ZNF335: variants seen among roughly 807,000 people sequenced by gnomAD.
The protein encoded by ZNF335 is NRC-interacting factor 1.
ZNF335 carries 84 observed loss-of-function variants against 145.6 expected under a neutral mutation model. The observed-to-expected ratio is 0.58, with a 90% CI of 0.48 to 0.69. ZNF335 has a LOEUF of 0.69. ZNF335 is among the 30% of genes least tolerant of loss of function. ZNF335 has a pLI of 0.00. For missense variants in ZNF335, 1,865 were observed against 1,809.7 expected (o/e 1.03, Z -0.55); for synonymous variants, 761 against 717.0 (o/e 1.06, Z -0.98).
rs1415246365 is a variant in ZNF335, at chr20:45,967,611, C to G, written c.838G>C (p.Gly280Arg). 2 of 1,613,962 alleles carry G rather than the reference C, an allele frequency of 1.2e-6. No homozygotes were observed. Among genetic ancestry groups the G allele is most frequent in the African/African-American group, 2.7e-5 (2 of 74,888 alleles). The change falls in exon 6 of 28, where the codon GGT (glycine) becomes CGT (arginine). Residue 280 changes from glycine to arginine, a missense_variant. Coordinates refer to ENST00000322927, the MANE Select transcript of ZNF335 (RefSeq NM_022095.4). ...CACTTCCGTAGACGTCCTTTTTTACCAGCTGCTGCTGCGGCTGCTGCTACT... is the reference window on the plus strand; with the variant it reads ...CACTTCCGTAGACGTCCTTTTTTACGAGCTGCTGCTGCGGCTGCTGCTACT... ...RPVAAAAAAA[G>R]KKGRLRKWST...
In ZNF335 at chr20:45,962,171, G is replaced by A; in HGVS notation, c.1545C>T (p.Phe515=). Residue 515 remains phenylalanine (F), a synonymous_variant, in exon 10 of 28, where the codon TTC becomes TTT. Transcript: ENST00000322927. ...RRWSSLKEHM[F]NHVGSKPYKC... ...TGTAGGGCTTGCTGCCCACGTGGTTGAACATGTGCTCCTGGGAGACAGACA... is the reference window on the plus strand; with the variant it reads ...TGTAGGGCTTGCTGCCCACGTGGTTAAACATGTGCTCCTGGGAGACAGACA... 6.2e-7 allele frequency: 1 copy of A among 1,614,068 alleles called. No individual in the cohort carries two copies. Among genetic ancestry groups the A allele is most frequent in the Non-Finnish European group, 8.5e-7 (1 of 1,179,962 alleles).
chr20:45,959,506 C>T (rs548820407), intron 14 of ZNF335, 73 bp from the exon 15 acceptor site: 216 of 1,152,852 alleles, frequency 1.9e-4, no homozygotes, highest in Non-Finnish European at 2.3e-4. Flanking sequence ...CCTTTCTTGA[C>T]CCTAAGGATC....
intron 15 of ZNF335, among the ~76,000 whole-genome samples, chr20:45,958,183 G>C (rs959153566): frequency 6.6e-6 from 1 of 152,034 alleles, no homozygotes; most frequent in East Asian, 1.9e-4. Flanking sequence ...GAATAGCTGG[G>C]ATTACAAGTG....
rs754667788 is a variant in ZNF335 at position 45,953,800 on chromosome 20, G to A, written c.2591C>T (p.Pro864Leu). 3 of 1,614,166 alleles carry A rather than the reference G, an allele frequency of 1.9e-6. No homozygotes were observed. The highest frequency in any genetic ancestry group is 4.5e-5 in the East Asian group (2 of 44,888). ...GAAAESQLGP[P>L]DLPQITLAPG... ...TGCCAGGGTGATCTGCGGTAGGTCAGGAGGGCCTAGCTGGCTCTCGGCTGC... is the reference window on the plus strand; with the variant it reads ...TGCCAGGGTGATCTGCGGTAGGTCAAGAGGGCCTAGCTGGCTCTCGGCTGC... The change falls in exon 18 of 28, where the codon CCT becomes CTT. Residue 864 changes from proline (P) to leucine (L), a missense_variant. By Grantham distance (98) the Pro-to-Leu change is moderately conservative. Transcript: ENST00000322927.
rs2083752462 is a variant in ZNF335 at position 45,957,605 on chromosome 20, A to G, written c.2423T>C (p.Leu808Pro). Residue 808 changes from leucine to proline, a missense_variant, in exon 17 of 28, where the codon CTG (leucine) becomes CCG (proline). Coordinates refer to ENST00000322927, the MANE Select transcript of ZNF335 (RefSeq NM_022095.4). The stretch of plus-strand genomic sequence containing the variant: ...GCTCACCTGCAGGGCTGTGCCCCCC[A>G]GTTCCCGCTGAGCACTCATGTTCAG... ...LLLNMSAQRELGGTALQVAVV... is the reference protein window; with the variant it reads ...LLLNMSAQREPGGTALQVAVV... The G allele has an allele frequency of 6.2e-7, 1 of 1,614,020 alleles. No homozygotes were observed. Among genetic ancestry groups the G allele is most frequent in the Non-Finnish European group, 8.5e-7 (1 of 1,180,014 alleles).
At chr20:45,951,684 G>A (rs956117713) in intron 20 of ZNF335, among the ~76,000 whole-genome samples, 2 of 152,226 alleles carry the variant, frequency 1.3e-5, no homozygotes, top group Non-Finnish European at 2.9e-5. Flanking sequence ...AGTAGTGCTT[G>A]CCCACCTGCC....
chr20:45,970,926 G>A (rs2067128720), intron 2 of ZNF335, among the ~76,000 whole-genome samples: 1 of 152,086 alleles, frequency 6.6e-6, no homozygotes, highest in South Asian at 2.1e-4. Context: ...AGGACTGTGG[G>A]TAGTATAGTA....
chr20:45,948,985 C>A lies in ZNF335; in HGVS notation c.3997G>T (p.Glu1333Ter). The A allele has an allele frequency of 6.2e-7, 1 of 1,613,940 alleles. No individual in the cohort carries two copies. ...HIQQLQHQGI[E>*]YDVITLADD ...TCGGCCAGGGTGATGACGTCGTACT[C>A]GATGCCCTGGTGCTGCAGCTGTTGA... is the stretch of plus-strand genomic sequence containing the variant. Residue 1333 changes from glutamate to a stop codon, truncating the protein, a stop_gained, in exon 28 of 28, where the codon GAG becomes TAG. Transcript: ENST00000322927. LOFTEE classifies it high-confidence loss of function.
intron 1 of ZNF335, chr20:45,971,895 G>A (rs1047011478): frequency 2.0e-6 from 2 of 985,282 alleles, no homozygotes; most frequent in African/African-American, 3.5e-5. Context: ...GGGGCCTGGC[G>A]ATTTGGGGCT....
At chr20:45,957,990 C>T in intron 15 of ZNF335, 62 bp from the exon 16 acceptor site, 1 of 1,338,570 alleles carries the variant, frequency 7.5e-7, no homozygotes, top group Non-Finnish European at 1.1e-6. Flanking sequence ...TGCCATTTGC[C>T]AAGCACCTCT....
rs1465084043 is a variant in ZNF335 at position 45,949,374 on chromosome 20, T to A, written c.3778A>T (p.Ile1260Phe). 6.2e-7 allele frequency: 1 copy of A among 1,613,984 alleles called. No homozygotes were observed. Among genetic ancestry groups the A allele is most frequent in the African/African-American group, 1.3e-5 (1 of 74,896 alleles). Residue 1260 changes from isoleucine (I) to phenylalanine (F), a missense_variant, in exon 26 of 28, where the codon ATC becomes TTC. Ile to Phe is a conservative substitution (Grantham distance 21). Transcript: ENST00000322927. The stretch of plus-strand genomic sequence containing the variant: ...AACGGGGCTCCTTGTTCATACTGGA[T>A]GTGTGTGATCTGGCCCTCCTGTACC... ...IQVQEGQITHIQYEQGAPFLQ... is the reference protein window; with the variant it reads ...IQVQEGQITHFQYEQGAPFLQ...
At chr20:45,959,643 C>A (rs3746510) in intron 14 of ZNF335, among the ~76,000 whole-genome samples, 3 of 152,256 alleles carry the variant, frequency 2.0e-5, no homozygotes, top group East Asian at 1.9e-4. Flanking sequence ...CTTCCTGTGC[C>A]TACCTATTTG....
At chr20:45,971,943 C>G (rs1281136491) in intron 1 of ZNF335, 179 bp downstream of exon 1, 1 of 985,324 alleles carries the variant, frequency 1.0e-6, no homozygotes, top group African/African-American at 1.7e-5. Context: ...CCGACGCCAT[C>G]TTGTGGTGGC....
chr20:45,960,532 G>A lies in ZNF335; in HGVS notation c.1783-7C>T, dbSNP rs1269049578. ...TCTTAAAGGACTTTCCACACTGTGAGGGGTGGAGAGCAGTGAGATGGCGAT... is the reference window on the plus strand; with the variant it reads ...TCTTAAAGGACTTTCCACACTGTGAAGGGTGGAGAGCAGTGAGATGGCGAT... On this transcript the variant is annotated splice_region_variant and splice_polypyrimidine_tract_variant and intron_variant, in intron 12 of 27. Transcript: ENST00000322927. The A allele has an allele frequency of 6.2e-6, 10 of 1,613,972 alleles. No individual in the cohort carries two copies. The highest frequency in any genetic ancestry group is 8.5e-6 in the Non-Finnish European group (10 of 1,179,956).
chr20:45,961,798 T>C (rs931520567), intron 10 of ZNF335: 2 of 395,068 alleles, frequency 5.1e-6, no homozygotes, highest in African/African-American at 3.9e-5. Flanking sequence ...CACAATTTCC[T>C]TCAATCCCTT....
At chr20:45,953,547 G>T in intron 18 of ZNF335, 142 bp downstream of exon 18, 2 of 1,130,800 alleles carry the variant, frequency 1.8e-6, no homozygotes, top group Non-Finnish European at 2.5e-6. Context: ...GACCTCCTGA[G>T]AAGGGTAGAC....
At chr20:45,953,651 A>G (rs760468174) in intron 18 of ZNF335, 38 bp downstream of exon 18, 11 of 1,606,002 alleles carry the variant, frequency 6.8e-6, no homozygotes, top group East Asian at 6.7e-5. Flanking sequence ...CCACACCTAC[A>G]AAAAGCTGAA....
chr20:45,950,234 G>A lies in ZNF335; in HGVS notation c.3472C>T (p.Leu1158=). 1.9e-6 allele frequency: 3 copies of A among 1,547,160 alleles called. No homozygotes were observed. Among genetic ancestry groups the A allele is most frequent in the Non-Finnish European group, 2.6e-6 (3 of 1,146,470 alleles). ...TIILNSDDET[L]ATLHTALQSS... is the part of the protein sequence containing the mutation. ...GGCAGCTCACTGTGCAGGGTGGCCA[G>A]TGTTTCGTCATCACTGTTCAGGATG... is the stretch of plus-strand genomic sequence containing the variant. The change falls in exon 22 of 28, where the codon CTG becomes TTG. Residue 1158 remains leucine, a synonymous_variant. Coordinates refer to ENST00000322927, the MANE Select transcript of ZNF335 (RefSeq NM_022095.4).
At chr20:45,958,013 GT>G in intron 15 of ZNF335, 85 bp from the exon 16 acceptor site, 1 of 1,053,452 alleles carries the variant, frequency 9.5e-7, no homozygotes, top group Non-Finnish European at 1.5e-6. Flanking sequence ...TCTGCCAGAT[GT>G]TTTACATCTG....
Sources: allele counts gnomAD v4.1 joint callset (sites outside exome capture counted in the v4.1 genomes callset), GRCh38; gene constraint gnomAD v4.1.1; transcripts MANE v1.5; gene names NCBI Gene and HGNC (gene_info 2026-07-23, HGNC 2026-07-21).